Variants in GAREM1 observed in about 807,000 individuals in gnomAD.
GAREM1 encodes GRB2 associated regulator of MAPK1 subtype 1.
In GAREM1, 26 loss-of-function variants were observed where a neutral mutation model predicts 71.3. The ratio of observed to expected loss-of-function variants is 0.36; its 90% CI spans 0.27 to 0.51. GAREM1 has a LOEUF of 0.51. Ranked by LOEUF, GAREM1 falls within the 20% of genes least tolerant of loss-of-function variation. GAREM1 has a pLI of 0.95. For missense variants in GAREM1, 1,026 were observed against 1,103.1 expected, an observed-to-expected ratio of 0.93 and a Z score of 0.99; for synonymous variants, 440 against 433.2, an observed-to-expected ratio of 1.02 and a Z score of -0.20.
chr18:32,439,215 A>C (rs1276048118), intron 1 of GAREM1, among the ~76,000 whole-genome samples: 1 of 152,192 alleles, frequency 6.6e-6, no homozygotes, highest in African/African-American at 2.4e-5. Context: ...ATAGAATTCT[A>C]AGGCCCACTT....
At chr18:32,422,139 C>G (rs948284211) in intron 1 of GAREM1, among the ~76,000 whole-genome samples, 2 of 152,114 alleles carry the variant, frequency 1.3e-5, no homozygotes, top group Non-Finnish European at 2.9e-5. Context: ...TCCCTCCCCC[C>G]TTCCCCAACC....
chr18:32,312,563 A>C (rs1056010320), intron 2 of GAREM1, among the ~76,000 whole-genome samples: 1 of 152,212 alleles, frequency 6.6e-6, no homozygotes, highest in African/African-American at 2.4e-5. Context: ...ACCAGAAATA[A>C]TAAGAATGGG....
intron 1 of GAREM1, among the ~76,000 whole-genome samples, chr18:32,447,386 G>A (rs372570009): frequency 6.6e-6 from 1 of 151,994 alleles, no homozygotes; most frequent in East Asian, 1.9e-4. Context: ...ATATTTAAAA[G>A]CTTATTAACA....
At chr18:32,461,304 A>T (rs781714822) in intron 1 of GAREM1, among the ~76,000 whole-genome samples, 8 of 152,192 alleles carry the variant, frequency 5.3e-5, no homozygotes, top group Non-Finnish European at 8.8e-5. Flanking sequence ...ATACTTTTAG[A>T]TACCTCTAAC....
intron 2 of GAREM1, among the ~76,000 whole-genome samples, chr18:32,372,927 T>C (rs986123646): frequency 1.3e-5 from 2 of 152,138 alleles, no homozygotes; most frequent in African/African-American, 4.8e-5. Context: ...CCAGGCAGCT[T>C]CATCTCGATT....
intron 2 of GAREM1, among the ~76,000 whole-genome samples, chr18:32,341,805 C>A (rs1390650051): frequency 6.6e-6 from 1 of 152,054 alleles, no homozygotes; most frequent in African/African-American, 2.4e-5. Flanking sequence ...ATCCTCTGGG[C>A]TAAGACAGTT....
At chr18:32,303,728 G>T (rs2047221664) in intron 3 of GAREM1, among the ~76,000 whole-genome samples, 1 of 151,850 alleles carries the variant, frequency 6.6e-6, no homozygotes, top group African/African-American at 2.4e-5. Context: ...GACCAGCCTG[G>T]GCAACACTGT....
intron 1 of GAREM1, among the ~76,000 whole-genome samples, chr18:32,400,652 A>G (rs2048305771): frequency 6.6e-6 from 1 of 152,222 alleles, no homozygotes; most frequent in Non-Finnish European, 1.5e-5. Context: ...TAGAATGGCG[A>G]TCATTAAAAA....
At chr18:32,457,320 A>C (rs1228172270) in intron 1 of GAREM1, among the ~76,000 whole-genome samples, 1 of 150,980 alleles carries the variant, frequency 6.6e-6, no homozygotes, top group Non-Finnish European at 1.5e-5. Context: ...AGAATACCTA[A>C]GTTTTTAAAT....
At chr18:32,378,057 T>TGTGTGCGCGC (rs1293817110) in intron 2 of GAREM1, among the ~76,000 whole-genome samples, 8 of 127,624 alleles carry the variant, frequency 6.3e-5, no homozygotes, top group African/African-American at 2.1e-4. Context: ...TGTGTGTGTG[T>TGTGTGCGCGC]GCGCGCGGGC....
chr18:32,304,649 TGA>T (rs1356908558), intron 3 of GAREM1, among the ~76,000 whole-genome samples: 6 of 152,220 alleles, frequency 3.9e-5, no homozygotes, highest in Non-Finnish European at 8.8e-5. Context: ...GCAAAGTACT[TGA>T]GTGTATTACT....
intron 2 of GAREM1, among the ~76,000 whole-genome samples, chr18:32,319,219 C>T (rs1235218984): frequency 6.6e-6 from 1 of 152,150 alleles, no homozygotes. Flanking sequence ...ACCACTGGCC[C>T]ATATCCAAAT....
intron 3 of GAREM1, among the ~76,000 whole-genome samples, chr18:32,295,691 A>C (rs974768852): frequency 2.0e-5 from 3 of 152,260 alleles, no homozygotes; most frequent in African/African-American, 7.2e-5. Flanking sequence ...TATAAAAAAC[A>C]AACAGCTTTG....
intron 1 of GAREM1, among the ~76,000 whole-genome samples, chr18:32,422,733 A>T (rs1042883229): frequency 3.3e-5 from 5 of 152,250 alleles, no homozygotes; most frequent in Non-Finnish European, 7.3e-5. Context: ...ATTAGAAACA[A>T]CATATGTAAA....
chr18:32,379,376 T>C (rs1019144675), intron 2 of GAREM1, among the ~76,000 whole-genome samples: 4 of 148,754 alleles, frequency 2.7e-5, no homozygotes, highest in Non-Finnish European at 5.9e-5. Flanking sequence ...ACTTGGACTT[T>C]CTATGACGTT....
chr18:32,344,280 C>T (rs2047674544), intron 2 of GAREM1, among the ~76,000 whole-genome samples: 1 of 152,128 alleles, frequency 6.6e-6, no homozygotes, highest in East Asian at 1.9e-4. Flanking sequence ...GAAATCTGGT[C>T]CTGAACCACT....
chr18:32,360,218 AT>A (rs2047852782), intron 2 of GAREM1, among the ~76,000 whole-genome samples: 1 of 151,692 alleles, frequency 6.6e-6, no homozygotes, highest in Non-Finnish European at 1.5e-5. Flanking sequence ...GAAAAAAAAA[AT>A]CCTGTTTAAA....
chr18:32,441,770 C>T (rs926105482), intron 1 of GAREM1, among the ~76,000 whole-genome samples: 5 of 152,008 alleles, frequency 3.3e-5, no homozygotes, highest in South Asian at 4.1e-4. Context: ...CTCCCAACCC[C>T]GCACAGAAAG....
chr18:32,405,746 C>T (rs1417454676), intron 1 of GAREM1, among the ~76,000 whole-genome samples: 1 of 152,200 alleles, frequency 6.6e-6, no homozygotes, highest in Non-Finnish European at 1.5e-5. Flanking sequence ...CGACCAATGG[C>T]TAAATATTGA....
Sources: allele counts gnomAD v4.1 joint callset (sites outside exome capture counted in the v4.1 genomes callset), GRCh38; gene constraint gnomAD v4.1.1; transcripts MANE v1.5; gene names NCBI Gene and HGNC (gene_info 2026-07-23, HGNC 2026-07-21).